Variants in WDR27 observed in about 807,000 individuals in gnomAD.
WDR27 encodes WD repeat domain 27.
Under a neutral mutation model 114.4 loss-of-function variants are expected in WDR27, and 100 were observed. The ratio of observed to expected loss-of-function variants is 0.87; its 90% CI spans 0.74 to 1.03. WDR27 has a LOEUF of 1.03. Ranked by LOEUF, WDR27 falls within the 50% of genes least tolerant of loss-of-function variation. The pLI is 0.00. For synonymous variants in WDR27, 449 were observed against 423.1 expected (o/e 1.06, Z -0.75); for missense variants, 1,129 against 1,092.9 (o/e 1.03, Z -0.47).
At chr6:169,514,632 A>T (rs980659044) in intron 25 of WDR27, among the ~76,000 whole-genome samples, 1 of 148,508 alleles carries the variant, frequency 6.7e-6, no homozygotes, top group African/African-American at 2.4e-5. Context: ...GATCAAACAA[A>T]TCCCTCAATA....
chr6:169,469,807 A>T (rs2115324077), intron 25 of WDR27, among the ~76,000 whole-genome samples: 1 of 152,344 alleles, frequency 6.6e-6, no homozygotes, highest in Middle Eastern at 3.4e-3. Flanking sequence ...TTCCACTGGT[A>T]TAATCCCATC....
At chr6:169,498,978 C>T (rs760054974) in intron 25 of WDR27, among the ~76,000 whole-genome samples, 35 of 152,306 alleles carry the variant, frequency 2.3e-4, no homozygotes, top group African/African-American at 6.3e-4. Context: ...TGCACCCACA[C>T]GAGTACGAGT....
chr6:169,616,636 A>G (rs1278589621), intron 21 of WDR27, among the ~76,000 whole-genome samples: 2 of 152,250 alleles, frequency 1.3e-5, no homozygotes, highest in Admixed American at 6.5e-5. Flanking sequence ...AGGGTGAGTC[A>G]ATGAATATCT....
At chr6:169,611,396 CCTGAGTT>C (rs1810494615) in intron 22 of WDR27, among the ~76,000 whole-genome samples, 1 of 148,218 alleles carries the variant, frequency 6.7e-6, no homozygotes, top group Non-Finnish European at 1.5e-5. Flanking sequence ...AACTCTGCCT[CCTGAGTT>C]CAAGTGATTC....
At chr6:169,601,617 A>G (rs1394808580) in intron 23 of WDR27, among the ~76,000 whole-genome samples, 1 of 152,220 alleles carries the variant, frequency 6.6e-6, no homozygotes, top group Non-Finnish European at 1.5e-5. Flanking sequence ...TGAACGCTGC[A>G]GCTGCAAGGC....
chr6:169,628,256 G>A (rs1016022636), intron 21 of WDR27, among the ~76,000 whole-genome samples: 6 of 152,142 alleles, frequency 3.9e-5, no homozygotes, highest in African/African-American at 1.4e-4. Context: ...ATCTGCCAGT[G>A]CCTTGATCTC....
chr6:169,668,503 A>G (rs530115283), intron 4 of WDR27: 7 of 264,682 alleles, frequency 2.6e-5, no homozygotes, highest in Non-Finnish European at 5.1e-5. Context: ...ACAAGACAAG[A>G]CGGTGCGGCA....
chr6:169,502,918 T>A (rs945507375), intron 25 of WDR27, among the ~76,000 whole-genome samples: 8 of 152,118 alleles, frequency 5.3e-5, no homozygotes, highest in African/African-American at 1.9e-4. Context: ...TTGAACCACT[T>A]CTTCTATAGG....
Position 169,638,420 on chromosome 6 carries a change from G to A in WDR27, c.1869+119C>T, listed in dbSNP as rs1447592984. ...AATCAGTAACTTTTATTGCATTAAA[G>A]CAAACTCTTGGCTTACGTCCCTTTC... On this transcript the variant is annotated intron_variant, in intron 18 of 25. Coordinates refer to ENST00000448612, the MANE Select transcript of WDR27 (RefSeq NM_182552.5). 4 of 1,304,640 alleles carry A rather than the reference G, an allele frequency of 3.1e-6. No individual in the cohort carries two copies. The South Asian group carries it at 4.8e-5, about 16-fold the overall frequency. 80.8% of individuals were successfully genotyped at this position (1,304,640 alleles called of 1,614,324 possible).
intron 1 of WDR27, among the ~76,000 whole-genome samples, chr6:169,692,175 T>C (rs1042201608): frequency 1.3e-5 from 2 of 152,174 alleles, no homozygotes; most frequent in African/African-American, 4.8e-5. Context: ...AATATAAAAG[T>C]AGAAGCAGCA....
At chr6:169,438,992 A>C in the WDR27 span, among the ~76,000 whole-genome samples, 1 of 152,136 alleles carries the variant, frequency 6.6e-6, no homozygotes, top group Non-Finnish European at 1.5e-5. Flanking sequence ...ATTTTAATTA[A>C]ATGTTTTAAG....
intron 25 of WDR27, among the ~76,000 whole-genome samples, chr6:169,547,654 T>C (rs1236968086): frequency 6.6e-6 from 1 of 152,126 alleles, no homozygotes; most frequent in Non-Finnish European, 1.5e-5. Context: ...GAGAACTTCT[T>C]CAACTTCATA....
intron 22 of WDR27, among the ~76,000 whole-genome samples, chr6:169,611,340 CTG>C (rs1810483262): frequency 1.5e-5 from 2 of 131,644 alleles, no homozygotes; most frequent in Non-Finnish European, 3.1e-5. Flanking sequence ...GAGTCTCACT[CTG>C]TCACCCAGGC....
chr6:169,494,162 G>A (rs565956143), intron 25 of WDR27, among the ~76,000 whole-genome samples: 11 of 152,172 alleles, frequency 7.2e-5, no homozygotes, highest in Middle Eastern at 3.4e-3. Context: ...TTGTGGATAC[G>A]GCTATGAGGG....
chr6:169,519,880 T>C (rs1262838876), intron 25 of WDR27, among the ~76,000 whole-genome samples: 1 of 152,028 alleles, frequency 6.6e-6, no homozygotes, highest in African/African-American at 2.4e-5. Flanking sequence ...TTTTCCCCCA[T>C]CTTCTTGACA....
intron 21 of WDR27, among the ~76,000 whole-genome samples, chr6:169,628,716 G>C (rs1162079489): frequency 6.6e-6 from 1 of 152,160 alleles, no homozygotes; most frequent in Non-Finnish European, 1.5e-5. Flanking sequence ...AGAACAGTCA[G>C]CCTTGTGCGA....
At chr6:169,515,577 T>C (rs865863277) in intron 25 of WDR27, among the ~76,000 whole-genome samples, 47 of 151,940 alleles carry the variant, frequency 3.1e-4, no homozygotes, top group Non-Finnish European at 4.4e-4. Context: ...AACTTAAGAG[T>C]GGTATATGAA....
At chr6:169,605,259 T>A (rs1184212035) in intron 22 of WDR27, among the ~76,000 whole-genome samples, 1 of 151,604 alleles carries the variant, frequency 6.6e-6, no homozygotes, top group Non-Finnish European at 1.5e-5. Context: ...ATAAATAAAT[T>A]CAGTAAAATT....
At chr6:169,476,676 T>C (rs1036764098) in intron 25 of WDR27, among the ~76,000 whole-genome samples, 2 of 152,224 alleles carry the variant, frequency 1.3e-5, no homozygotes, top group Non-Finnish European at 2.9e-5. Flanking sequence ...ATGGCTATTT[T>C]TTTTTAGTTA....
Sources: allele counts gnomAD v4.1 joint callset (sites outside exome capture counted in the v4.1 genomes callset), GRCh38; gene constraint gnomAD v4.1.1; transcripts MANE v1.5; gene names NCBI Gene and HGNC (gene_info 2026-07-23, HGNC 2026-07-21).